The following SLC17A9 variants were observed in gnomAD, a reference collection of about 807,000 sequenced individuals.
SLC17A9 encodes voltage-gated purine nucleotide uniporter SLC17A9.
Under a neutral mutation model 55.0 loss-of-function variants are expected in SLC17A9, and 49 were observed. The ratio of observed to expected loss-of-function variants is 0.89; its 90% CI spans 0.71 to 1.13. The LOEUF (loss-of-function observed/expected upper bound fraction) is 1.13. Among genes scored for constraint, SLC17A9 ranks in the 50% most tolerant of loss-of-function variants. The pLI is 0.00. For missense variants in SLC17A9, 526 were observed against 569.3 expected (o/e 0.92, Z 0.77); for synonymous variants, 256 against 247.4 (o/e 1.03, Z -0.32).
Position 62,962,461 on chromosome 20 carries a change from A to G in SLC17A9, c.498-163A>G. 1 of 872,234 alleles carries G rather than the reference A, an allele frequency of 1.1e-6. No individual in the cohort carries two copies. Among genetic ancestry groups the G allele is most frequent in the Non-Finnish European group, 1.7e-6 (1 of 600,728 alleles). The allele number at this position is 872,234 out of a possible 1,614,324, so 54.0% of individuals were successfully genotyped here. A position where few individuals can be genotyped will look rare whatever the true frequency, so the allele number is the denominator to read the frequency against. ...CCCCTGAGTACCCGAAGTCCTTAAC[A>G]AAACAGGCCAGGACGGTGGCTTCTG... On this transcript the variant is annotated intron_variant, in intron 4 of 12. Transcript: ENST00000370351. The surrounding 1 kb of genome is among the most constrained non-coding windows in gnomAD (Gnocchi z 5.5).
At chr20:62,957,900 C>T (rs550254709) in intron 3 of SLC17A9, among the ~76,000 whole-genome samples, 16 of 151,572 alleles carry the variant, frequency 1.1e-4, no homozygotes, top group East Asian at 2.0e-4. Context: ...TGCATGCGTG[C>T]ACCTGTGTGT....
Position 62,952,722 on chromosome 20 carries a change from C to G in SLC17A9, c.-109C>G. On this transcript the variant is annotated 5_prime_UTR_variant, in exon 1 of 13. Coordinates refer to ENST00000370351, the MANE Select transcript of SLC17A9 (RefSeq NM_022082.4). ...CCTGAGAGAACCAGACGGAAGCGCG[C>G]TGGGACTGACACGTGGACTTGGGCG... 1 of 1,187,352 alleles carries G rather than the reference C, an allele frequency of 8.4e-7. No homozygotes were observed. Among genetic ancestry groups the G allele is most frequent in the Admixed American group, 2.9e-5 (1 of 34,592 alleles). 73.6% of individuals were successfully genotyped at this position (1,187,352 alleles called of 1,614,324 possible). A position where few individuals can be genotyped will look rare whatever the true frequency, so the allele number is the denominator to read the frequency against.
chr20:62,956,692 G>T (rs2065538966), intron 1 of SLC17A9, 73 bp from the exon 2 acceptor site: 2 of 1,404,146 alleles, frequency 1.4e-6, no homozygotes, highest in South Asian at 2.6e-5. Flanking sequence ...CCTGAGGGAG[G>T]TCTCTGAGTG....
rs768086850 is a variant in SLC17A9 at position 62,962,626 on chromosome 20, C to T, written c.500C>T (p.Thr167Met). ...CCACACTCCCCCTGTCTTTGCAGGACGCTGCTGACCGGGGCGGTGGGCTCC... is the reference window on the plus strand; with the variant it reads ...CCACACTCCCCCTGTCTTTGCAGGATGCTGCTGACCGGGGCGGTGGGCTCC... ...SIVGAGSQFG[T>M]LLTGAVGSLL... is the part of the protein sequence containing the mutation. The change falls in exon 5 of 13, where the codon ACG (threonine) becomes ATG (methionine). Residue 167 changes from threonine to methionine, a missense_variant and splice_region_variant. Coordinates refer to ENST00000370351, the MANE Select transcript of SLC17A9 (RefSeq NM_022082.4). This position sits in a 1 kb window ranked among gnomAD's most constrained non-coding sequence, Gnocchi z 5.5. 1.4e-5 allele frequency: 22 copies of T among 1,613,552 alleles called. No individual in the cohort carries two copies. Among genetic ancestry groups the T allele is most frequent in the East Asian group, 6.7e-5 (3 of 44,890 alleles).
rs1051999339 is a variant in SLC17A9, at chr20:62,962,848, C to G, written c.628+94C>G. On this transcript the variant is annotated intron_variant, in intron 5 of 12. Transcript: ENST00000370351. The surrounding 1 kb of genome is among the most constrained non-coding windows in gnomAD (Gnocchi z 5.5). ...CCGCTGAGCAGCCTGGAGCAGGAGCCCGGAGACGATGGCTTTGACCTCCCA... is the reference window on the plus strand; with the variant it reads ...CCGCTGAGCAGCCTGGAGCAGGAGCGCGGAGACGATGGCTTTGACCTCCCA... The G allele has an allele frequency of 2.2e-5, 33 of 1,530,188 alleles. No individual in the cohort carries two copies. In the African/African-American group the frequency reaches 3.7e-4, roughly 17 times the overall value. The allele number at this position is 1,530,188 out of a possible 1,614,324, so 94.8% of individuals were successfully genotyped here.
intron 10 of SLC17A9, among the ~76,000 whole-genome samples, chr20:62,966,033 G>C (rs1482791612): frequency 2.0e-5 from 3 of 148,012 alleles, no homozygotes; most frequent in Non-Finnish European, 4.5e-5. Flanking sequence ...GGTTGGCATG[G>C]TGTGCAGGGC....
At chr20:62,957,784 C>T (rs556131353) in intron 3 of SLC17A9, among the ~76,000 whole-genome samples, 1 of 131,926 alleles carries the variant, frequency 7.6e-6, no homozygotes, top group African/African-American at 2.8e-5. Context: ...TGCATGCGTG[C>T]ACCTGTGTGT....
rs1045250453 is a variant in SLC17A9 at position 62,955,297 on chromosome 20, G to A, written c.60-1468G>A. On this transcript the variant is annotated intron_variant, in intron 1 of 12. Coordinates refer to ENST00000370351, the MANE Select transcript of SLC17A9 (RefSeq NM_022082.4). ...CAAGTAGCTGGGATTACAGGCACCCGCCACTACGCCTGGCTAATTTTTACA... is the reference window on the plus strand; with the variant it reads ...CAAGTAGCTGGGATTACAGGCACCCACCACTACGCCTGGCTAATTTTTACA... Among the ~76,000 whole-genome samples, 16 of 151,798 alleles carry A rather than the reference G, an allele frequency of 1.1e-4. No individual in the cohort carries two copies. The East Asian group carries it at 1.2e-3, about 11-fold the overall frequency.
Position 62,969,153 on chromosome 20 carries a change from G to C in SLC17A9, c.*1653G>C, listed in dbSNP as rs2147665328. The C allele has an allele frequency of 6.6e-6, 1 of 152,346 alleles. No homozygotes were observed. The highest frequency in any genetic ancestry group is 2.1e-4 in the South Asian group (1 of 4,830). 9.4% of individuals were successfully genotyped at this position (152,346 alleles called of 1,614,324 possible). The stretch of plus-strand genomic sequence containing the variant: ...GCCCAGGAAGCCCACCTGCGGCTGA[G>C]TTCAGAGGTGGGGCCTGTGCGTTGT... On this transcript the variant is annotated 3_prime_UTR_variant, in exon 13 of 13. Coordinates refer to ENST00000370351, the MANE Select transcript of SLC17A9 (RefSeq NM_022082.4).
At chr20:62,953,191 G>A (rs920725183) in intron 1 of SLC17A9, 2 of 1,550,224 alleles carry the variant, frequency 1.3e-6, no homozygotes, top group East Asian at 2.4e-5. Flanking sequence ...TGGACAGTCA[G>A]GAGGCATACC....
intron 8 of SLC17A9, chr20:62,964,859 G>T: frequency 1.9e-6 from 1 of 525,408 alleles, no homozygotes; most frequent in Non-Finnish European, 3.4e-6. Flanking sequence ...GGGGCCGCTC[G>T]CCTGTTTCCG....
In SLC17A9 at chr20:62,965,659, C is replaced by T. The variant is rs1568917911; in HGVS notation, c.995C>T (p.Thr332Ile). Residue 332 changes from threonine to isoleucine, a missense_variant, in exon 10 of 13, where the codon ACC becomes ATC. Coordinates refer to ENST00000370351, the MANE Select transcript of SLC17A9 (RefSeq NM_022082.4). ...GTCTTTGCTCTGTGCCTGGGCCACA[C>T]CTCCAGCTTCTGTGAGTCTGTGGTC... Reference protein sequence around the residue: ...SSVFALCLGHTSSFCESVVFA... With the variant: ...SSVFALCLGHISSFCESVVFA... 1 of 1,614,000 alleles carries T rather than the reference C, an allele frequency of 6.2e-7. No individual in the cohort carries two copies. Among genetic ancestry groups the T allele is most frequent in the South Asian group, 1.1e-5 (1 of 91,086 alleles).
rs2065560501 is a variant in SLC17A9 at position 62,958,366 on chromosome 20, A to T, written c.397+786A>T. 1.3e-5 allele frequency among the ~76,000 whole-genome samples: 2 copies of T among 150,970 alleles called. No individual in the cohort carries two copies. The highest frequency in any genetic ancestry group is 3.0e-5 in the Non-Finnish European group (2 of 67,706). On this transcript the variant is annotated intron_variant, in intron 3 of 12. Coordinates refer to ENST00000370351, the MANE Select transcript of SLC17A9 (RefSeq NM_022082.4). The surrounding 1 kb of genome is among the most constrained non-coding windows in gnomAD (Gnocchi z 4.1). ...CATTTTGGTCACACGTATGCTGATG[A>T]TGCCTCCGATACTAGGGCCTTGGAG...
chr20:62,952,872 G>T lies in SLC17A9; in HGVS notation c.42G>T (p.Gly14=), dbSNP rs1368407616. The T allele has an allele frequency of 3.1e-6, 4 of 1,306,678 alleles. No individual in the cohort carries two copies. The Admixed American group carries it at 9.6e-5, about 31-fold the overall frequency. The allele number at this position is 1,306,678 out of a possible 1,614,324, so 80.9% of individuals were successfully genotyped here. The change falls in exon 1 of 13, where the codon GGG becomes GGT. Residue 14 remains glycine (G), a synonymous_variant. Transcript: ENST00000370351. ...ACGAGGCCCGCAGGGACATGGCCGG[G>T]GACACCCAGTGGTCCAGGTGTGGCG... The part of the protein sequence containing the change: ...PPDEARRDMA[G]DTQWSRPECQ...
At chr20:62,964,455 GCCT>G (rs1250538851) in intron 8 of SLC17A9, 140 bp downstream of exon 8, 3 of 863,872 alleles carry the variant, frequency 3.5e-6, no homozygotes, top group Admixed American at 3.7e-5. Context: ...TCCAGGCTCG[GCCT>G]CCTCCTTAAA....
At chr20:62,961,492 A>G (rs1212054563) in intron 4 of SLC17A9, among the ~76,000 whole-genome samples, 1 of 152,048 alleles carries the variant, frequency 6.6e-6, no homozygotes, top group Non-Finnish European at 1.5e-5. Context: ...GATCGAGGCC[A>G]GGCCAGGGGT....
chr20:62,953,727 C>G (rs1054758205), intron 1 of SLC17A9, among the ~76,000 whole-genome samples: 2 of 152,250 alleles, frequency 1.3e-5, no homozygotes, highest in Non-Finnish European at 2.9e-5. Flanking sequence ...CACCAGTTCC[C>G]AGCTGTATGA....
In SLC17A9 at chr20:62,956,883, A is replaced by C; in HGVS notation, c.178A>C (p.Lys60Gln). 6.2e-7 allele frequency: 1 copy of C among 1,613,616 alleles called. No homozygotes were observed. The highest frequency in any genetic ancestry group is 1.1e-5 in the South Asian group (1 of 91,088). ...SMSQDFGWNK[K>Q]EAGIVLSSFF... ...GAGCCAGGACTTCGGCTGGAACAAG[A>C]AGGAGGCCGGCATCGTGCTCAGCAG... is the stretch of plus-strand genomic sequence containing the variant. Residue 60 changes from lysine to glutamine, a missense_variant, in exon 2 of 13, where the codon AAG (lysine) becomes CAG (glutamine). Lys to Gln is a moderately conservative substitution (Grantham distance 53, BLOSUM62 1). Transcript: ENST00000370351.
chr20:62,959,822 T>A (rs2065574016), intron 3 of SLC17A9, among the ~76,000 whole-genome samples: 1 of 152,212 alleles, frequency 6.6e-6, no homozygotes, highest in South Asian at 2.1e-4. Context: ...GGGGACAAGC[T>A]CCTGTTGTCA....
Sources: allele counts gnomAD v4.1 joint callset (sites outside exome capture counted in the v4.1 genomes callset), GRCh38; gene constraint gnomAD v4.1.1; non-coding constraint Gnocchi (gnomAD v3.1); transcripts MANE v1.5; gene names NCBI Gene and HGNC (gene_info 2026-07-23, HGNC 2026-07-21).